The following SLC19A1 variants were observed in gnomAD, a reference collection of about 807,000 sequenced individuals.
SLC19A1 encodes the protein solute carrier family 19 member 1, also known as reduced folate transporter.
In SLC19A1, 37 loss-of-function variants were observed where a neutral mutation model predicts 35.3. That is an observed-to-expected ratio of 1.05 (90% CI 0.81 to 1.38). The LOEUF (loss-of-function observed/expected upper bound fraction) is 1.38. Among genes scored for constraint, SLC19A1 ranks in the 40% most tolerant of loss-of-function variants. The pLI is 0.00. For missense variants in SLC19A1, 831 were observed against 826.9 expected, an observed-to-expected ratio of 1.00 and a Z score of -0.06; for synonymous variants, 460 against 398.5, an observed-to-expected ratio of 1.15 and a Z score of -1.84.
chr21:45,532,180 TGTTAGCAATG>T, intron 2 of SLC19A1, 32 bp from the exon 3 acceptor site: 2 of 1,541,740 alleles, frequency 1.3e-6, no homozygotes, highest in Non-Finnish European at 1.8e-6. Context: ...CCCCACCAGG[TGTTAGCAATG>T]CTGCCGCTGC....
At chr21:45,504,521 GGCCCCCC>G (rs1568941008) in intron 3 of SLC19A1, 2 of 1,348,998 alleles carry the variant, frequency 1.5e-6, no homozygotes, top group Non-Finnish European at 1.9e-6. Context: ...CGGCCCCCCA[GGCCCCCC>G]AGGCCCACGT....
In SLC19A1 at chr21:45,533,144, C is replaced by G. The variant is rs1317633506; in HGVS notation, c.190-996G>C. 6.6e-6 allele frequency among the ~76,000 whole-genome samples: 1 copy of G among 152,202 alleles called. No individual in the cohort carries two copies. The highest frequency in any genetic ancestry group is 1.5e-5 in the Non-Finnish European group (1 of 68,022). On this transcript the variant is annotated intron_variant, in intron 2 of 5. Transcript: ENST00000311124. The surrounding 1 kb of genome is among the most constrained non-coding windows in gnomAD (Gnocchi z 4.5). ...AGGAGGGGGAGCACAGGCTGTCAGC[C>G]TGCCCACCCCCACCTCCTCCATCAC...
At position 45,515,801 on chromosome 21, in the gene SLC19A1, G is replaced by A. The variant is rs201271808; in HGVS notation, c.1633C>T (p.Pro545Ser). Residue 545 changes from proline to serine, a missense_variant, in exon 6 of 6, where the codon CCC (proline) becomes TCC (serine). Coordinates refer to ENST00000311124, the MANE Select transcript of SLC19A1 (RefSeq NM_194255.4). Reference protein sequence around the residue: ...EFLSPVTTPSPCTLCSAQASG... With the variant: ...EFLSPVTTPSSCTLCSAQASG... ...GCTTGGGCGGAGCACAGAGTGCAGG[G>A]GGAAGGGGTTGTCACTGGGCTCAGG... 6 of 1,612,600 alleles carry A rather than the reference G, an allele frequency of 3.7e-6. No homozygotes were observed. In the Admixed American group the frequency reaches 1.0e-4, roughly 27 times the overall value.
chr21:45,520,587 C>T (rs1322278309), intron 5 of SLC19A1, among the ~76,000 whole-genome samples: 1 of 152,204 alleles, frequency 6.6e-6, no homozygotes, highest in Non-Finnish European at 1.5e-5. Context: ...GAATTGTGAA[C>T]CCATCACCCA....
At chr21:45,507,554 C>T (rs765721422) in intron 3 of SLC19A1, 1 of 1,612,256 alleles carries the variant, frequency 6.2e-7, no homozygotes, top group East Asian at 2.2e-5. Flanking sequence ...CTGCTGCTTT[C>T]TTCCAGCTGG....
intron 1 of SLC19A1, among the ~76,000 whole-genome samples, chr21:45,553,308 G>C (rs926706146): frequency 3.9e-5 from 6 of 152,074 alleles, no homozygotes; most frequent in African/African-American, 1.4e-4. Context: ...CTGTGTGAAG[G>C]ACACGACTCC....
intron 3 of SLC19A1, among the ~76,000 whole-genome samples, chr21:45,504,904 G>A (rs1046383580): frequency 2.3e-5 from 3 of 130,934 alleles, no homozygotes; most frequent in African/African-American, 1.0e-4. Flanking sequence ...CTGCCTGGGG[G>A]CCCACACTGT....
At chr21:45,503,354 C>T (rs2036968844) in intron 3 of SLC19A1, among the ~76,000 whole-genome samples, 1 of 151,910 alleles carries the variant, frequency 6.6e-6, no homozygotes, top group African/African-American at 2.4e-5. Context: ...TGTTTTTTGG[C>T]TGCATAAATG....
At chr21:45,507,613 T>C, downstream of SLC19A1, 1 of 1,611,772 alleles carries the variant, frequency 6.2e-7, no homozygotes, top group Non-Finnish European at 8.5e-7. Context: ...CTTTTTTCTG[T>C]TGAGACTGGT....
downstream of SLC19A1, chr21:45,511,261 G>A (rs1224744825): frequency 8.1e-6 from 10 of 1,229,478 alleles, no homozygotes; most frequent in Admixed American, 1.9e-4. Context: ...AGCTCTGAGA[G>A]CCCCAGCCAG....
upstream of SLC19A1, among the ~76,000 whole-genome samples, chr21:45,547,396 C>T (rs1376262484): frequency 6.6e-6 from 1 of 152,190 alleles, no homozygotes; most frequent in African/African-American, 2.4e-5. Flanking sequence ...GGGATGGATA[C>T]TCGTCATTAT....
At chr21:45,509,005 G>A (rs2037412982), downstream of SLC19A1, among the ~76,000 whole-genome samples, 2 of 152,150 alleles carry the variant, frequency 1.3e-5, no homozygotes, top group Non-Finnish European at 1.5e-5. Context: ...CAAGGCCCTG[G>A]GAGATTAGAA....
At position 45,504,769 on chromosome 21, in the gene SLC19A1, G is replaced by A. The variant is rs781534021; in HGVS notation, c.498-6157C>T. On this transcript the variant is annotated intron_variant, in intron 3 of 4. Coordinates refer to the SLC19A1 transcript ENST00000417954. ...CGGACACCCCCCGTCCCCCTGCAGC[G>A]TTCCATGGCCTGCCCTCCTGCTGGG... Among the ~76,000 whole-genome samples the A allele has an allele frequency of 1.5e-4, 23 of 152,128 alleles. 1 individual carries two copies. Among genetic ancestry groups the A allele is most frequent in the Admixed American group, 1.4e-3 (22 of 15,286 alleles).
chr21:45,510,138 C>T (rs1961632848), downstream of SLC19A1: 1 of 1,599,846 alleles, frequency 6.3e-7, no homozygotes, highest in African/African-American at 1.3e-5. Flanking sequence ...TCCAGTGCTT[C>T]CAGCAGGCGC....
At chr21:45,511,275 AGGCGGGCG>A (rs112646272), downstream of SLC19A1, 118 of 1,068,400 alleles carry the variant, frequency 1.1e-4, no homozygotes, top group African/African-American at 1.4e-3. Context: ...CAGCCAGGGA[AGGCGGGCG>A]GGCGGGCTCC....
intron 5 of SLC19A1, among the ~76,000 whole-genome samples, chr21:45,519,570 C>CAAAA (rs57639933): frequency 4.3e-3 from 244 of 57,050 alleles, no homozygotes; most frequent in Middle Eastern, 0.015. Context: ...AACTTCTGAG[C>CAAAA]AAAAAAAAAA....
downstream of SLC19A1, among the ~76,000 whole-genome samples, chr21:45,509,107 C>T (rs1028892590): frequency 8.5e-5 from 13 of 152,230 alleles, no homozygotes; most frequent in Middle Eastern, 3.4e-3. Flanking sequence ...GTGATTGCTG[C>T]GGCTTCTGAG....
At chr21:45,519,533 G>A (rs1406595717) in intron 5 of SLC19A1, among the ~76,000 whole-genome samples, 1 of 146,758 alleles carries the variant, frequency 6.8e-6, no homozygotes, top group African/African-American at 2.5e-5. Context: ...GAAAGCAGGG[G>A]TGGCTATATT....
upstream of SLC19A1, among the ~76,000 whole-genome samples, chr21:45,548,390 T>C (rs111898085): frequency 1.1e-3 from 166 of 152,340 alleles, no homozygotes; most frequent in African/African-American, 3.7e-3. Context: ...ACAGGACTTG[T>C]ATCCAGACAC....
Sources: allele counts gnomAD v4.1 joint callset (sites outside exome capture counted in the v4.1 genomes callset), GRCh38; gene constraint gnomAD v4.1.1; non-coding constraint Gnocchi (gnomAD v3.1); transcripts MANE v1.5; gene names NCBI Gene and HGNC (gene_info 2026-07-23, HGNC 2026-07-21).